The following LRMDA variants were observed in gnomAD, a reference collection of about 807,000 sequenced individuals.
The protein encoded by LRMDA is leucine-rich melanocyte differentiation-associated protein.
LRMDA carries 18 observed loss-of-function variants against 29.8 expected under a neutral mutation model. The ratio of observed to expected loss-of-function variants is 0.60; its 90% CI spans 0.42 to 0.90. The LOEUF (loss-of-function observed/expected upper bound fraction) is 0.90, where lower values mean the gene tolerates loss of function less well. Among genes scored for constraint, LRMDA ranks in the 40% least tolerant of loss-of-function variants. The probability of loss-of-function intolerance (pLI) is 0.00; values close to 1 mark genes in which losing one functional copy is unlikely to be tolerated. For synonymous variants in LRMDA, 125 were observed against 109.4 expected, an observed-to-expected ratio of 1.14 and a Z score of -0.89; for missense variants, 273 against 273.9, an observed-to-expected ratio of 1.00 and a Z score of 0.02.
chr10:75,836,077 C>A (rs1043526025), intron 2 of LRMDA, among the ~76,000 whole-genome samples: 1 of 152,190 alleles, frequency 6.6e-6, no homozygotes, highest in African/African-American at 2.4e-5. Flanking sequence ...TTCAGGGCGA[C>A]TTAAATGGTA....
At chr10:76,196,742 T>C (rs1851337508) in intron 5 of LRMDA, among the ~76,000 whole-genome samples, 1 of 152,252 alleles carries the variant, frequency 6.6e-6, no homozygotes, top group African/African-American at 2.4e-5. Flanking sequence ...CTGTAGTGCA[T>C]TACATGCATG....
chr10:75,820,266 G>A (rs970614735), intron 2 of LRMDA, among the ~76,000 whole-genome samples: 3 of 152,182 alleles, frequency 2.0e-5, no homozygotes, highest in African/African-American at 7.2e-5. Context: ...CACAAGGCAA[G>A]CCTCAATACA....
At chr10:75,455,445 C>T (rs1262010361) in intron 2 of LRMDA, among the ~76,000 whole-genome samples, 3 of 152,200 alleles carry the variant, frequency 2.0e-5, no homozygotes, top group African/African-American at 7.2e-5. Flanking sequence ...AAGGCTAATA[C>T]AGGTGAAATT....
chr10:76,312,281 T>C (rs1840639162), intron 5 of LRMDA, among the ~76,000 whole-genome samples: 2 of 152,200 alleles, frequency 1.3e-5, no homozygotes, highest in Admixed American at 1.3e-4. Context: ...TGAAGGATGA[T>C]ATTTTCTCCA....
intron 2 of LRMDA, among the ~76,000 whole-genome samples, chr10:75,611,667 T>G (rs1841033794): frequency 6.6e-6 from 1 of 152,204 alleles, no homozygotes; most frequent in Non-Finnish European, 1.5e-5. Flanking sequence ...TTTCTTAACA[T>G]GACTTTATCA....
intron 2 of LRMDA, among the ~76,000 whole-genome samples, chr10:76,007,013 TGTGTGTGTGTGTGTGTGTGCGC>T (rs1445042263): frequency 8.8e-6 from 1 of 113,596 alleles, no homozygotes; most frequent in African/African-American, 3.1e-5. Flanking sequence ...TGTGTGTGTG[TGTGTGTGTGTGTGTGTGTGCGC>T]GTGTGTGTTT....
chr10:76,477,053 C>A (rs1296965037), intron 6 of LRMDA, among the ~76,000 whole-genome samples: 3 of 152,078 alleles, frequency 2.0e-5, no homozygotes, highest in Non-Finnish European at 4.4e-5. Context: ...CTGGCCAGGG[C>A]AATCAGGCAG....
intron 2 of LRMDA, among the ~76,000 whole-genome samples, chr10:75,580,193 C>A (rs929634162): frequency 6.6e-6 from 1 of 152,204 alleles, no homozygotes; most frequent in African/African-American, 2.4e-5. Context: ...AGCCCAAAAT[C>A]TCCTTAAGCT....
rs1348630412 is a variant in LRMDA at position 75,812,990 on chromosome 10, A to G, written c.132-223018A>G. 7.9e-5 allele frequency among the ~76,000 whole-genome samples: 12 copies of G among 152,220 alleles called. No homozygotes were observed. In the East Asian group the frequency reaches 2.1e-3, roughly 27 times the overall value. Reference sequence around the variant, plus strand: ...ATGTTTGGGGTGAGCACATGGGTACAGTCGTGGCAGTGTCAGAGACCTGGG... The same window carrying G: ...ATGTTTGGGGTGAGCACATGGGTACGGTCGTGGCAGTGTCAGAGACCTGGG... On this transcript the variant is annotated intron_variant, in intron 2 of 6. Coordinates refer to ENST00000611255, the MANE Select transcript of LRMDA (RefSeq NM_001305581.2).
At chr10:76,171,314 T>C (rs1850831880) in intron 5 of LRMDA, among the ~76,000 whole-genome samples, 1 of 152,212 alleles carries the variant, frequency 6.6e-6, no homozygotes, top group Non-Finnish European at 1.5e-5. Context: ...TTTTTTTGTA[T>C]ATTTAATAGA....
chr10:76,195,654 A>G (rs964588024), intron 5 of LRMDA, among the ~76,000 whole-genome samples: 3 of 152,206 alleles, frequency 2.0e-5, no homozygotes, highest in Non-Finnish European at 4.4e-5. Context: ...CTTTTCTTGA[A>G]ATAAGATAAG....
chr10:76,437,964 A>G lies in LRMDA; in HGVS notation c.601+113479A>G, dbSNP rs568963556. 2.0e-5 allele frequency among the ~76,000 whole-genome samples: 3 copies of G among 152,342 alleles called. No homozygotes were observed. In the South Asian group the frequency reaches 6.2e-4, roughly 32 times the overall value. On this transcript the variant is annotated intron_variant, in intron 6 of 6. Coordinates refer to ENST00000611255, the MANE Select transcript of LRMDA (RefSeq NM_001305581.2). ...GAGGAAACTGAAGAGCAGGGAAGCT[A>G]GTGACTTATCGCAAGTCACTCACCT...
At chr10:75,730,071 T>G (rs1842678195) in intron 2 of LRMDA, among the ~76,000 whole-genome samples, 1 of 152,086 alleles carries the variant, frequency 6.6e-6, no homozygotes, top group African/African-American at 2.4e-5. Flanking sequence ...GCAAGTGTAA[T>G]ACCAAAGTGT....
At chr10:76,513,986 A>C (rs1470470217) in intron 6 of LRMDA, among the ~76,000 whole-genome samples, 3 of 152,164 alleles carry the variant, frequency 2.0e-5, no homozygotes, top group Non-Finnish European at 4.4e-5. Flanking sequence ...TGAGACACAG[A>C]ACAAATAGTA....
chr10:75,882,637 A>C (rs754127118), intron 2 of LRMDA: 2 of 152,202 alleles, frequency 1.3e-5, no homozygotes, highest in Non-Finnish European at 2.9e-5. Context: ...AATGCAAAAC[A>C]ATGTTTTCTG....
At chr10:76,543,069 T>C (rs537159244) in intron 6 of LRMDA, among the ~76,000 whole-genome samples, 1 of 152,086 alleles carries the variant, frequency 6.6e-6, no homozygotes, top group East Asian at 1.9e-4. Context: ...TCGGGAACAC[T>C]CTATGTCCTT....
intron 2 of LRMDA, among the ~76,000 whole-genome samples, chr10:75,973,708 T>C (rs2132441616): frequency 6.6e-6 from 1 of 152,284 alleles, no homozygotes; most frequent in East Asian, 1.9e-4. Flanking sequence ...GTGTGAGCCA[T>C]CATGCCTGGC....
rs565144592 is a variant in LRMDA, at chr10:76,193,815, T to G, written c.517-130586T>G. 8.6e-3 allele frequency among the ~76,000 whole-genome samples: 1,305 copies of G among 152,220 alleles called. 21 individuals are homozygous for G. The highest frequency in any genetic ancestry group is 0.03 in the African/African-American group (1,241 of 41,532). Reference sequence around the variant, plus strand: ...CCAAGCAGAAAATTATAGTAAAATGTGATAAAATGTGTATAAGGAGAGGCC... The same window carrying G: ...CCAAGCAGAAAATTATAGTAAAATGGGATAAAATGTGTATAAGGAGAGGCC... On this transcript the variant is annotated intron_variant, in intron 5 of 6. Transcript: ENST00000611255.
chr10:75,617,729 GC>G (rs1190570320), intron 2 of LRMDA, among the ~76,000 whole-genome samples: 1 of 152,162 alleles, frequency 6.6e-6, no homozygotes, highest in Non-Finnish European at 1.5e-5. Flanking sequence ...TCCCTGGATT[GC>G]CCCATGGGTT....
Sources: gnomAD v4.1 joint callset for allele counts (sites outside exome capture counted in the v4.1 genomes callset) on GRCh38, gnomAD v4.1.1 for gene constraint, MANE v1.5 for transcripts, NCBI Gene and HGNC (gene_info 2026-07-23, HGNC 2026-07-21) for gene names.